FOXJ3: variants seen among roughly 807,000 people sequenced by gnomAD.
FOXJ3 encodes forkhead box J3, also known as forkhead box protein J3.
A neutral mutation model predicts 76.1 loss-of-function variants in FOXJ3; 22 were observed. The ratio of observed to expected loss-of-function variants is 0.29; its 90% CI spans 0.21 to 0.41. The LOEUF is 0.41. Among genes scored for constraint, FOXJ3 ranks in the 10% least tolerant of loss-of-function variants. FOXJ3 has a pLI of 1.00. For missense variants in FOXJ3, 613 were observed against 762.1 expected (o/e 0.80, Z 2.30); for synonymous variants, 269 against 261.2 (o/e 1.03, Z -0.29).
intron 11 of FOXJ3, among the ~76,000 whole-genome samples, chr1:42,184,005 G>A (rs1262899348): frequency 1.3e-5 from 2 of 152,080 alleles, no homozygotes; most frequent in Non-Finnish European, 2.9e-5. Flanking sequence ...CCATACTGAT[G>A]ATTTAGAAAG....
intron 2 of FOXJ3, 87 bp downstream of exon 2, chr1:42,310,962 AC>A: frequency 4.0e-6 from 3 of 751,348 alleles, no homozygotes; most frequent in Non-Finnish European, 6.6e-6. Context: ...TCTGAATCTC[AC>A]CTTCAAATTC....
intron 1 of FOXJ3, among the ~76,000 whole-genome samples, chr1:42,313,462 A>C (rs115668977): frequency 0.011 from 1,736 of 152,302 alleles, 38 homozygotes; most frequent in African/African-American, 0.04. Context: ...CCTTTGACCT[A>C]AGCCTGGAAA....
At chr1:42,297,343 G>C (rs1374082581) in intron 2 of FOXJ3, among the ~76,000 whole-genome samples, 2 of 152,054 alleles carry the variant, frequency 1.3e-5, no homozygotes, top group Non-Finnish European at 2.9e-5. Context: ...TCCTTGTCTT[G>C]TTCCTGTTCT....
At chr1:42,194,408 C>T (rs1646610856) in intron 8 of FOXJ3, among the ~76,000 whole-genome samples, 1 of 152,206 alleles carries the variant, frequency 6.6e-6, no homozygotes, top group African/African-American at 2.4e-5. Context: ...CAACAATGAC[C>T]TAGCGTTTAC....
intron 4 of FOXJ3, among the ~76,000 whole-genome samples, chr1:42,230,637 G>A (rs1648006486): frequency 6.6e-6 from 1 of 152,148 alleles, no homozygotes; most frequent in Non-Finnish European, 1.5e-5. Context: ...GTGGCATCAT[G>A]TTGGCGCTCA....
chr1:42,334,072 G>A (rs2487587), intron 1 of FOXJ3: 118,127 of 727,986 alleles, frequency 0.16, 10,084 homozygotes, highest in Admixed American at 0.26. Context: ...CACCAACACG[G>A]AATAGTAAAA....
At chr1:42,324,070 T>C (rs1655598437) in intron 1 of FOXJ3, among the ~76,000 whole-genome samples, 1 of 144,716 alleles carries the variant, frequency 6.9e-6, no homozygotes, top group Non-Finnish European at 1.5e-5. Flanking sequence ...ATATACACAG[T>C]GTATATATAG....
At chr1:42,227,437 C>G (rs1051556777) in intron 5 of FOXJ3, among the ~76,000 whole-genome samples, 15 of 152,322 alleles carry the variant, frequency 9.8e-5, no homozygotes, top group Middle Eastern at 6.8e-3. Context: ...AAGCAATACA[C>G]ACGCACCCAA....
intron 8 of FOXJ3, 49 bp downstream of exon 8, chr1:42,194,841 C>A: frequency 8.2e-7 from 1 of 1,212,292 alleles, no homozygotes; most frequent in Middle Eastern, 2.1e-4. Flanking sequence ...AATTTAAAAA[C>A]CTTTTTCCAA....
intron 1 of FOXJ3, among the ~76,000 whole-genome samples, chr1:42,319,669 T>C (rs1373370478): frequency 2.0e-5 from 3 of 152,148 alleles, no homozygotes; most frequent in Non-Finnish European, 4.4e-5. Flanking sequence ...GTATGTGAAT[T>C]ATATCTCAAC....
At chr1:42,216,967 A>G (rs139591863) in intron 5 of FOXJ3, among the ~76,000 whole-genome samples, 136 of 152,300 alleles carry the variant, frequency 8.9e-4, no homozygotes, top group African/African-American at 3.2e-3. Flanking sequence ...CTCCATGAAA[A>G]GGCAAAGACT....
intron 2 of FOXJ3, among the ~76,000 whole-genome samples, chr1:42,309,430 A>C (rs1485349816): frequency 1.3e-5 from 2 of 152,120 alleles, no homozygotes; most frequent in South Asian, 2.1e-4. Flanking sequence ...CCCCTTTTTC[A>C]GTGAAGCCTT....
chr1:42,299,329 T>C lies in FOXJ3; in HGVS notation c.44+11721A>G, dbSNP rs528105872. On this transcript the variant is annotated intron_variant, in intron 2 of 12. Transcript: ENST00000361346. ...ATATATTTAGGATAGTTAAATCTTC[T>C]TGTTGTATCAAACCCTTTATCATTA... Among the ~76,000 whole-genome samples the C allele has an allele frequency of 3.9e-5, 6 of 152,154 alleles. No individual in the cohort carries two copies. In the East Asian group the frequency reaches 9.7e-4, roughly 25 times the overall value.
At chr1:42,280,420 T>C (rs1557696542) in intron 2 of FOXJ3, 3 of 208,934 alleles carry the variant, frequency 1.4e-5, no homozygotes, top group South Asian at 3.5e-4. Flanking sequence ...TTCATCCATA[T>C]AGCATCTTCA....
intron 2 of FOXJ3, among the ~76,000 whole-genome samples, chr1:42,283,740 G>C (rs1045029420): frequency 6.6e-6 from 1 of 152,144 alleles, no homozygotes; most frequent in Non-Finnish European, 1.5e-5. Context: ...CCGATCTCAT[G>C]CATCTCTTTG....
Position 42,195,016 on chromosome 1 carries a change from G to C in FOXJ3, c.808C>G (p.Gln270Glu). 1 of 1,612,418 alleles carries C rather than the reference G, an allele frequency of 6.2e-7. No homozygotes were observed. Among genetic ancestry groups the C allele is most frequent in the Non-Finnish European group, 8.5e-7 (1 of 1,179,342 alleles). Residue 270 changes from glutamine to glutamate, a missense_variant, in exon 8 of 13, where the codon CAA (glutamine) becomes GAA (glutamate). By Grantham distance (29) the Gln-to-Glu change is conservative. Coordinates refer to ENST00000361346, the MANE Select transcript of FOXJ3 (RefSeq NM_014947.5). ...CTTTCTGGAAGGTTGTACTGTGGTT[G>C]CTGCTGAGGAGTTAATGATTGAGAG... The part of the protein sequence containing the change: ...SVSQSLTPQQ[Q>E]PQYNLPERDK...
intron 12 of FOXJ3, among the ~76,000 whole-genome samples, 198 bp downstream of exon 12, chr1:42,181,719 A>T (rs1646322669): frequency 6.6e-6 from 1 of 152,174 alleles, no homozygotes; most frequent in African/African-American, 2.4e-5. Context: ...AGCCTCATTC[A>T]CCATCGGGAA....
intron 2 of FOXJ3, among the ~76,000 whole-genome samples, chr1:42,286,913 C>T (rs1348364058): frequency 6.6e-6 from 1 of 151,290 alleles, no homozygotes; most frequent in Non-Finnish European, 1.5e-5. Context: ...GGATTACAGG[C>T]GTGAGCCACC....
At chr1:42,334,845 C>T (rs988725640) in intron 1 of FOXJ3, 4 of 152,156 alleles carry the variant, frequency 2.6e-5, no homozygotes, top group Non-Finnish European at 5.9e-5. Flanking sequence ...AGAAGCGCCG[C>T]GGGGGAGGGA....
Sources: gnomAD v4.1 joint callset for allele counts (sites outside exome capture counted in the v4.1 genomes callset) on GRCh38, gnomAD v4.1.1 for gene constraint, MANE v1.5 for transcripts, NCBI Gene and HGNC (gene_info 2026-07-23, HGNC 2026-07-21) for gene names.